Variants in IGSF9B observed in about 807,000 individuals in gnomAD.
IGSF9B encodes the protein protein turtle homolog B.
A neutral mutation model predicts 143.7 loss-of-function variants in IGSF9B; 48 were observed. That is an observed-to-expected ratio of 0.33 (90% CI 0.26 to 0.42). IGSF9B has a LOEUF of 0.42. Ranked by LOEUF, IGSF9B falls within the 20% of genes least tolerant of loss-of-function variation. IGSF9B has a pLI of 1.00. For synonymous variants in IGSF9B, 903 were observed against 833.1 expected (o/e 1.08, Z -1.44); for missense variants, 1,706 against 1,980.0 (o/e 0.86, Z 2.63).
chr11:133,946,402 G>A, intron 1 of IGSF9B, 144 bp from the exon 2 acceptor site: 2 of 675,330 alleles, frequency 3.0e-6, no homozygotes, highest in Non-Finnish European at 5.1e-6. Flanking sequence ...AGGGTCCCAG[G>A]CACACCCTCC....
chr11:133,952,713 GCA>G (rs1940184243), intron 1 of IGSF9B, among the ~76,000 whole-genome samples: 2 of 151,754 alleles, frequency 1.3e-5, no homozygotes, highest in Non-Finnish European at 2.9e-5. Flanking sequence ...ACACACAGGG[GCA>G]CATATATGCA....
At chr11:133,924,602 C>T (rs1429828085) in intron 15 of IGSF9B, among the ~76,000 whole-genome samples, 1 of 152,162 alleles carries the variant, frequency 6.6e-6, no homozygotes, top group Non-Finnish European at 1.5e-5. Flanking sequence ...ATACAAGTGT[C>T]AGAAACTCAG....
chr11:133,926,913 C>G lies in IGSF9B; in HGVS notation c.1807+3G>C. The G allele has an allele frequency of 6.3e-7, 1 of 1,584,400 alleles. No individual in the cohort carries two copies. The highest frequency in any genetic ancestry group is 8.6e-7 in the Non-Finnish European group (1 of 1,163,906). On this transcript the variant is annotated splice_donor_region_variant and intron_variant, in intron 13 of 19. Coordinates refer to ENST00000533871, the MANE Select transcript of IGSF9B (RefSeq NM_001277285.4). ...CTCCCAACATCCCACCCCGGGCCCT[C>G]ACCTAAAGTGTTCACAGTGACCACC...
intron 15 of IGSF9B, 44 bp downstream of exon 15, chr11:133,924,776 G>T (rs1591714181): frequency 6.6e-7 from 1 of 1,503,838 alleles, no homozygotes; most frequent in Non-Finnish European, 9.3e-7. Flanking sequence ...CAGCTCTGGG[G>T]CTTATGTCCC....
rs761600588 is a variant in IGSF9B at position 133,920,863 on chromosome 11, C to A, written c.2862G>T (p.Arg954=). The A allele has an allele frequency of 1.9e-6, 3 of 1,600,632 alleles. No homozygotes were observed. The highest frequency in any genetic ancestry group is 3.3e-4 in the Middle Eastern group (2 of 5,976). ...GGTGGAAGGGCCGGGGGGCAGGGGG[C>A]CGGGCCTGGCCTGTGGCCTGAAGCC... ...EGRLQATGQA[R]PPAPRPFHHG... Residue 954 remains arginine (R), a synonymous_variant, in exon 18 of 20, where the codon CGG becomes CGT. Transcript: ENST00000533871.
Position 133,920,478 on chromosome 11 carries a change from T to TG in IGSF9B, c.3246dup (p.Thr1083HisfsTer72). The TG allele has an allele frequency of 1.9e-6, 3 of 1,569,320 alleles. No individual in the cohort carries two copies. The highest frequency in any genetic ancestry group is 8.6e-7 in the Non-Finnish European group (1 of 1,156,766). Reference sequence around the variant, plus strand: ...TAGGCCGCGGGCACCTGCAGGGAGGTGGGGGGCAGTCCTCGGGGGAGGCCG... The same window carrying TG: ...TAGGCCGCGGGCACCTGCAGGGAGGTGGGGGGGCAGTCCTCGGGGGAGGCCG... On this transcript the variant is annotated frameshift_variant, in exon 18 of 20. Coordinates refer to ENST00000533871, the MANE Select transcript of IGSF9B (RefSeq NM_001277285.4). LOFTEE classifies it high-confidence loss of function.
Position 133,927,039 on chromosome 11 carries a change from G to T in IGSF9B, c.1684C>A (p.Pro562Thr). 1 of 1,564,784 alleles carries T rather than the reference G, an allele frequency of 6.4e-7. No individual in the cohort carries two copies. The highest frequency in any genetic ancestry group is 8.7e-7 in the Non-Finnish European group (1 of 1,154,806). ...PHDWLSLPVP[P>T]GPSWLLVDTL... ...TCCACCAGCAGCCAGCTGGGTCCTG[G>T]CGGCACTGGCAAGGACAGCCAGTCA... is the stretch of plus-strand genomic sequence containing the variant. The change falls in exon 13 of 20, where the codon CCA (proline) becomes ACA (threonine). Residue 562 changes from proline (P) to threonine (T), a missense_variant. This residue lies in a region of IGSF9B where 267 missense variants were observed against 321.1 expected (regional missense o/e 0.83). Coordinates refer to ENST00000533871, the MANE Select transcript of IGSF9B (RefSeq NM_001277285.4).
rs1361291637 is a variant in IGSF9B, at chr11:133,953,290, C to T, written c.64+3401G>A. ...TCCAGGACCAGCACATGCAGGGCCACAGGCCCGCGGCTGAAAGCTGATTGC... is the reference window on the plus strand; with the variant it reads ...TCCAGGACCAGCACATGCAGGGCCATAGGCCCGCGGCTGAAAGCTGATTGC... On this transcript the variant is annotated intron_variant, in intron 1 of 19. Coordinates refer to ENST00000533871, the MANE Select transcript of IGSF9B (RefSeq NM_001277285.4). This position sits in a 1 kb window ranked among gnomAD's most constrained non-coding sequence, Gnocchi z 4.2. 6.6e-6 allele frequency among the ~76,000 whole-genome samples: 1 copy of T among 152,236 alleles called. No homozygotes were observed. Among genetic ancestry groups the T allele is most frequent in the Non-Finnish European group, 1.5e-5 (1 of 68,038 alleles).
Position 133,946,208 on chromosome 11 carries a change from C to T in IGSF9B, c.115G>A (p.Glu39Lys). ...ACGTCGCATCGCAGGACCACGCTCT[C>T]CCCAGCTCTTGCCGTCACAAACTCG... ...EPEFVTARAGESVVLRCDVIH... is the reference protein window; with the variant it reads ...EPEFVTARAGKSVVLRCDVIH... The change falls in exon 2 of 20, where the codon GAG becomes AAG. Residue 39 changes from glutamate (E) to lysine (K), a missense_variant. Physicochemically the swap from Glu to Lys is moderately conservative, Grantham distance 56. Transcript: ENST00000533871. 6.2e-7 allele frequency: 1 copy of T among 1,613,668 alleles called. No homozygotes were observed.
intron 18 of IGSF9B, among the ~76,000 whole-genome samples, chr11:133,916,788 G>T (rs1414579107): frequency 6.6e-6 from 1 of 152,118 alleles, no homozygotes; most frequent in Non-Finnish European, 1.5e-5. Flanking sequence ...CTAGTCTAGG[G>T]CTCCCACACC....
At chr11:133,926,316 C>T (rs1939626158) in intron 13 of IGSF9B, among the ~76,000 whole-genome samples, 2 of 152,260 alleles carry the variant, frequency 1.3e-5, no homozygotes, top group African/African-American at 2.4e-5. Flanking sequence ...CAAGGCCCCA[C>T]AGAGGTGCCA....
At position 133,912,404 on chromosome 11, in the gene IGSF9B, A is replaced by G. The variant is rs140584213; in HGVS notation, c.3984-397T>C. On this transcript the variant is annotated intron_variant, in intron 18 of 19. Coordinates refer to ENST00000533871, the MANE Select transcript of IGSF9B (RefSeq NM_001277285.4). Reference sequence around the variant, plus strand: ...ATCAAGACCTTTGAATGGAAAGTAAAAGGGCATATTAGAGCAGGGGGCAAG... The same window carrying G: ...ATCAAGACCTTTGAATGGAAAGTAAGAGGGCATATTAGAGCAGGGGGCAAG... 1,111 of 460,058 alleles carry G rather than the reference A, an allele frequency of 2.4e-3. 3 individuals carry two copies. The highest frequency in any genetic ancestry group is 0.02 in the African/African-American group (1,001 of 50,374). The allele number at this position is 460,058 out of a possible 1,614,324, so 28.5% of individuals were successfully genotyped here.
intron 3 of IGSF9B, among the ~76,000 whole-genome samples, chr11:133,939,424 T>G (rs1591721523): frequency 1.3e-5 from 2 of 152,268 alleles, no homozygotes; most frequent in East Asian, 3.8e-4. Flanking sequence ...TGGTGGCTCC[T>G]TAAGAGCAGC....
chr11:133,918,930 A>C (rs1321767977), intron 18 of IGSF9B: 1 of 452,390 alleles, frequency 2.2e-6, no homozygotes, highest in Admixed American at 2.4e-5. Context: ...GACTGACTGG[A>C]GAAGGAAGGA....
intron 11 of IGSF9B, 139 bp downstream of exon 11, chr11:133,930,845 G>A (rs926225302): frequency 2.9e-5 from 24 of 834,560 alleles, no homozygotes; most frequent in Non-Finnish European, 4.2e-5. Flanking sequence ...GCTGGACGCG[G>A]AGTTCAGGGC....
At chr11:133,941,707 G>T (rs767025302) in intron 3 of IGSF9B, among the ~76,000 whole-genome samples, 1 of 152,174 alleles carries the variant, frequency 6.6e-6, no homozygotes, top group African/African-American at 2.4e-5. Context: ...GGAGCAGATG[G>T]TGCACCATCC....
Position 133,954,309 on chromosome 11 carries a change from C to T in IGSF9B, c.64+2382G>A, listed in dbSNP as rs113101733. Among the ~76,000 whole-genome samples the T allele has an allele frequency of 2.3e-3, 355 of 152,278 alleles. 3 individuals are homozygous for T. Among genetic ancestry groups the T allele is most frequent in the African/African-American group, 8.0e-3 (332 of 41,562 alleles). On this transcript the variant is annotated intron_variant, in intron 1 of 19. Transcript: ENST00000533871. ...CTTTGGAGACCTTGCAAAGGACTTC[C>T]GAGCAGCTTTGAGGCCCGCACATCC...
chr11:133,935,189 A>C (rs1939800612), intron 7 of IGSF9B, among the ~76,000 whole-genome samples: 1 of 152,218 alleles, frequency 6.6e-6, no homozygotes, highest in Non-Finnish European at 1.5e-5. Context: ...CGGTGTGGAA[A>C]GGCAGGGAGT....
At chr11:133,919,047 T>TA (rs1565419987) in intron 18 of IGSF9B, 1 of 495,138 alleles carries the variant, frequency 2.0e-6, no homozygotes, top group Non-Finnish European at 4.1e-6. Context: ...TGCTACAGTT[T>TA]AGAGAGTGCT....
Sources: gnomAD v4.1 joint callset for allele counts (sites outside exome capture counted in the v4.1 genomes callset) on GRCh38, gnomAD v4.1.1 for gene constraint, gnomAD v4.1.1 regional missense constraint, Gnocchi (gnomAD v3.1) non-coding constraint, MANE v1.5 for transcripts, NCBI Gene and HGNC (gene_info 2026-07-23, HGNC 2026-07-21) for gene names.